GCNT1: variants seen among roughly 807,000 people sequenced by gnomAD.
GCNT1 encodes the protein beta-1,3-galactosyl-O-glycosyl-glycoprotein beta-1,6-N-acetylglucosaminyltransferase.
GCNT1 carries 16 observed loss-of-function variants against 26.2 expected under a neutral mutation model. That is an observed-to-expected ratio of 0.61 (90% confidence interval 0.41 to 0.93). The LOEUF is 0.93. Among genes scored for constraint, GCNT1 ranks in the 40% least tolerant of loss-of-function variants. The pLI, the probability that GCNT1 is intolerant of heterozygous loss-of-function variation, is 0.00. For missense variants in GCNT1, 477 were observed against 526.7 expected, an observed-to-expected ratio of 0.91 and a Z score of 0.92; for synonymous variants, 183 against 190.8, an observed-to-expected ratio of 0.96 and a Z score of 0.34.
At chr9:76,414,635 T>A in the GCNT1 span, among the ~76,000 whole-genome samples, 43 of 152,356 alleles carry the variant, frequency 2.8e-4, no homozygotes, top group East Asian at 6.4e-3. Flanking sequence ...TGAGGGTCCC[T>A]CGCCTTTTTA....
the GCNT1 span, among the ~76,000 whole-genome samples, chr9:76,404,245 CAAT>C: frequency 1.3e-5 from 2 of 151,906 alleles, no homozygotes; most frequent in Non-Finnish European, 2.9e-5. Context: ...TTTTTTCTCA[CAAT>C]GATGATATAA....
intron 2 of GCNT1, among the ~76,000 whole-genome samples, chr9:76,486,854 TC>T (rs1264516977): frequency 6.6e-6 from 1 of 152,070 alleles, no homozygotes; most frequent in Non-Finnish European, 1.5e-5. Flanking sequence ...GGTGGGTGGA[TC>T]ACTTGAGGTC....
upstream of GCNT1, among the ~76,000 whole-genome samples, chr9:76,438,491 T>C (rs780893511): frequency 6.6e-6 from 1 of 152,204 alleles, no homozygotes; most frequent in Non-Finnish European, 1.5e-5. Flanking sequence ...TCTGTGTTGA[T>C]GTTAATGCTG....
At chr9:76,457,756 A>T (rs1823782747), upstream of GCNT1, among the ~76,000 whole-genome samples, 1 of 152,168 alleles carries the variant, frequency 6.6e-6, no homozygotes, top group African/African-American at 2.4e-5. Context: ...TTCCATTTAC[A>T]TTTACCTAAT....
At chr9:76,440,215 C>A (rs1823466710), upstream of GCNT1, among the ~76,000 whole-genome samples, 1 of 152,166 alleles carries the variant, frequency 6.6e-6, no homozygotes, top group African/African-American at 2.4e-5. Context: ...ACCCACATCA[C>A]CTTCTCTCTG....
chr9:76,428,126 C>T (rs978607094), intron 1 of GCNT1, among the ~76,000 whole-genome samples: 18 of 151,500 alleles, frequency 1.2e-4, no homozygotes, highest in African/African-American at 4.4e-4. Context: ...ATTAGCCGCG[C>T]GTGGTGGCGG....
At chr9:76,420,280 A>G (rs1302265762) in intron 1 of GCNT1, 4 of 152,032 alleles carry the variant, frequency 2.6e-5, no homozygotes, top group Non-Finnish European at 5.9e-5. Context: ...TTTCATTTCT[A>G]TTTATATTTT....
intron 1 of GCNT1, among the ~76,000 whole-genome samples, chr9:76,431,593 T>C (rs1476664085): frequency 1.3e-5 from 2 of 152,200 alleles, no homozygotes; most frequent in Non-Finnish European, 2.9e-5. Flanking sequence ...GAGTCTTTTA[T>C]TGGGGTTTCA....
chr9:76,413,163 A>T, the GCNT1 span, among the ~76,000 whole-genome samples: 11 of 152,210 alleles, frequency 7.2e-5, no homozygotes, highest in African/African-American at 2.7e-4. Flanking sequence ...TTTGTGTCTC[A>T]GCTGAATGAC....
rs1279001629 is a variant in GCNT1, at chr9:76,428,292, T to TAAAAAAAAAAAAAAAAAAA, written n.38+8416_38+8417insAAAAAAAAAAAAAAAAAAA. ...AAAAAAAAAAAAAAAAAAAAAAACT[T>TAAAAAAAAAAAAAAAAAAA]AAAAAAAAAAAGAGAGAGAGAAATG... On this transcript the variant is annotated intron_variant and non_coding_transcript_variant, in intron 1 of 3. Coordinates refer to the GCNT1 transcript ENST00000488136. Among the ~76,000 whole-genome samples the TAAAAAAAAAAAAAAAAAAA allele has an allele frequency of 2.5e-3, 218 of 85,880 alleles. 9 individuals are homozygous for TAAAAAAAAAAAAAAAAAAA. The highest frequency in any genetic ancestry group is 3.8e-3 in the Non-Finnish European group (146 of 38,786). 56.3% of individuals were successfully genotyped at this position (85,880 alleles called of 152,430 possible).
chr9:76,463,794 G>A lies in GCNT1; in HGVS notation c.-290+3617G>A, dbSNP rs145096670. 7.2e-4 allele frequency among the ~76,000 whole-genome samples: 110 copies of A among 152,286 alleles called. 1 individual carries two copies. The highest frequency in any genetic ancestry group is 1.2e-3 in the Non-Finnish European group (84 of 68,032). ...GCTCAGGCTATCACAATCTTAAGTGGTACTTAGGAAAGCACAGGGTGTTAG... is the reference window on the plus strand; with the variant it reads ...GCTCAGGCTATCACAATCTTAAGTGATACTTAGGAAAGCACAGGGTGTTAG... On this transcript the variant is annotated intron_variant, in intron 2 of 3. Coordinates refer to ENST00000376730, the MANE Select transcript of GCNT1 (RefSeq NM_001490.5).
chr9:76,417,998 C>T (rs983583565), upstream of GCNT1, among the ~76,000 whole-genome samples: 6 of 152,146 alleles, frequency 3.9e-5, no homozygotes, highest in Admixed American at 3.9e-4. Flanking sequence ...ACACAGCCCT[C>T]AGAAGACCCT....
chr9:76,497,172 C>G (rs56126332), intron 2 of GCNT1, among the ~76,000 whole-genome samples: 12,558 of 152,282 alleles, frequency 0.082, 575 homozygotes, highest in Middle Eastern at 0.16. Flanking sequence ...GCAGTATTAA[C>G]TACCCATGGC....
the GCNT1 span, chr9:76,399,107 G>A: frequency 1.3e-6 from 2 of 1,583,648 alleles, no homozygotes; most frequent in Non-Finnish European, 1.7e-6. Context: ...TCTCACGGAG[G>A]CATCTTATGT....
chr9:76,426,713 T>C (rs1823262669), intron 1 of GCNT1, among the ~76,000 whole-genome samples: 1 of 151,946 alleles, frequency 6.6e-6, no homozygotes, highest in Non-Finnish European at 1.5e-5. Context: ...CTGGCCAACA[T>C]AGCAAAACCC....
intron 1 of GCNT1, among the ~76,000 whole-genome samples, chr9:76,427,117 G>C (rs1325590019): frequency 6.6e-6 from 1 of 151,456 alleles, no homozygotes; most frequent in Non-Finnish European, 1.5e-5. Context: ...ACAGAGAAAA[G>C]ATCATCTGAG....
Position 76,468,061 on chromosome 9 carries a change from C to T in GCNT1, c.-290+7884C>T, listed in dbSNP as rs537382641. Reference sequence around the variant, plus strand: ...AGCTGGGATTACAGGCACATGCCACCATGCCTGGCTAATTAGTAAATACAG... The same window carrying T: ...AGCTGGGATTACAGGCACATGCCACTATGCCTGGCTAATTAGTAAATACAG... On this transcript the variant is annotated intron_variant, in intron 2 of 3. Transcript: ENST00000376730. Among the ~76,000 whole-genome samples the T allele has an allele frequency of 3.1e-4, 47 of 152,162 alleles. 1 individual carries two copies. Among genetic ancestry groups the T allele is most frequent in the African/African-American group, 1.1e-3 (47 of 41,516 alleles).
At chr9:76,494,709 T>A (rs2131635145) in intron 2 of GCNT1, among the ~76,000 whole-genome samples, 1 of 152,232 alleles carries the variant, frequency 6.6e-6, no homozygotes, top group African/African-American at 2.4e-5. Context: ...GGGACTAGCC[T>A]CGGAGAAGAG....
At chr9:76,440,419 A>G (rs73650219), upstream of GCNT1, among the ~76,000 whole-genome samples, 2,543 of 152,230 alleles carry the variant, frequency 0.017, 80 homozygotes, top group African/African-American at 0.058. Context: ...ATCAATCTAC[A>G]TTTCCCTGAT....
Sources: gnomAD v4.1 joint callset for allele counts (sites outside exome capture counted in the v4.1 genomes callset) on GRCh38, gnomAD v4.1.1 for gene constraint, MANE v1.5 for transcripts, NCBI Gene and HGNC (gene_info 2026-07-23, HGNC 2026-07-21) for gene names.